NSMCE2: variants seen among roughly 807,000 people sequenced by gnomAD.
NSMCE2 encodes NSE2 SUMO ligase component of SMC5/6 complex, also known as E3 SUMO-protein ligase NSE2.
Under a neutral mutation model 23.8 loss-of-function variants are expected in NSMCE2, and 24 were observed. The observed-to-expected ratio is 1.01, with a 90% CI of 0.73 to 1.42. The LOEUF (loss-of-function observed/expected upper bound fraction) is 1.42. Among genes scored for constraint, NSMCE2 ranks in the 40% most tolerant of loss-of-function variants. The pLI is 0.00. For missense variants in NSMCE2, 284 were observed against 296.5 expected (o/e 0.96, Z 0.31); for synonymous variants, 92 against 94.1 (o/e 0.98, Z 0.13).
At chr8:125,284,635 A>G (rs1242572724) in intron 5 of NSMCE2, among the ~76,000 whole-genome samples, 1 of 152,240 alleles carries the variant, frequency 6.6e-6, no homozygotes, top group East Asian at 1.9e-4. Flanking sequence ...GAAGAAAATG[A>G]CATAGTGGAT....
rs546419676 is a variant in NSMCE2, at chr8:125,142,259, G to A, written c.158-8912G>A. ...ATATCAGCTTTCTGAAGTAGTTACT[G>A]TTATTGTACCCATTATATATAAAAG... On this transcript the variant is annotated intron_variant, in intron 3 of 7. Transcript: ENST00000287437. Among the ~76,000 whole-genome samples, 26 of 152,194 alleles carry A rather than the reference G, an allele frequency of 1.7e-4. No homozygotes were observed. The South Asian group carries it at 2.3e-3, about 13-fold the overall frequency.
chr8:125,186,966 A>T (rs1823135937), intron 5 of NSMCE2, among the ~76,000 whole-genome samples: 1 of 152,252 alleles, frequency 6.6e-6, no homozygotes, highest in South Asian at 2.1e-4. Flanking sequence ...TTGAACAAAG[A>T]ATTTTATCCT....
chr8:125,145,181 G>T (rs1820606218), intron 3 of NSMCE2, among the ~76,000 whole-genome samples: 1 of 152,162 alleles, frequency 6.6e-6, no homozygotes, highest in African/African-American at 2.4e-5. Flanking sequence ...TTAAAGGATG[G>T]ATTTAATTCA....
chr8:125,253,163 A>T (rs1196021557), intron 5 of NSMCE2, among the ~76,000 whole-genome samples: 1 of 152,210 alleles, frequency 6.6e-6, no homozygotes, highest in Non-Finnish European at 1.5e-5. Flanking sequence ...AAGCTAGATT[A>T]TATCTGAAAT....
chr8:125,357,354 C>T (rs1010457540), intron 6 of NSMCE2, 35 bp downstream of exon 6: 4 of 1,328,028 alleles, frequency 3.0e-6, no homozygotes, highest in East Asian at 2.3e-5. Context: ...GAAAGAAACA[C>T]GATTCACTTC....
In NSMCE2 at chr8:125,251,276, C is replaced by T. The variant is rs1339839791; in HGVS notation, c.418+69020C>T. ...AGAATAAATAAGCAAACAAAAATTC[C>T]ATTCTCAATAATGACATAATACAGA... On this transcript the variant is annotated intron_variant, in intron 5 of 7. Coordinates refer to ENST00000287437, the MANE Select transcript of NSMCE2 (RefSeq NM_173685.4). Among the ~76,000 whole-genome samples, 63 of 152,038 alleles carry T rather than the reference C, an allele frequency of 4.1e-4. 1 individual carries two copies. Among genetic ancestry groups the T allele is most frequent in the Admixed American group, 4.1e-3 (63 of 15,270 alleles).
At chr8:125,265,992 A>C (rs1355602795) in intron 5 of NSMCE2, among the ~76,000 whole-genome samples, 1 of 152,206 alleles carries the variant, frequency 6.6e-6, no homozygotes, top group African/African-American at 2.4e-5. Context: ...GGCACACTTC[A>C]AAATAGTTGC....
At chr8:125,137,583 T>A (rs553624140) in intron 3 of NSMCE2, among the ~76,000 whole-genome samples, 1 of 152,238 alleles carries the variant, frequency 6.6e-6, no homozygotes, top group Non-Finnish European at 1.5e-5. Context: ...CTCCTTTTTT[T>A]ACTGGTGTGG....
At chr8:125,181,921 C>T (rs1191160150) in intron 4 of NSMCE2, among the ~76,000 whole-genome samples, 182 bp from the exon 5 acceptor site, 1 of 152,152 alleles carries the variant, frequency 6.6e-6, no homozygotes, top group East Asian at 1.9e-4. Context: ...TGAGTCCCTT[C>T]AGTATTTGCC....
At chr8:125,314,622 C>T (rs1293695102) in intron 5 of NSMCE2, among the ~76,000 whole-genome samples, 1 of 152,212 alleles carries the variant, frequency 6.6e-6, no homozygotes, top group African/African-American at 2.4e-5. Context: ...CGATCACTCC[C>T]TGAAAACAAC....
chr8:125,103,786 C>A (rs1228955050), intron 3 of NSMCE2, among the ~76,000 whole-genome samples: 1 of 152,002 alleles, frequency 6.6e-6, no homozygotes, highest in Non-Finnish European at 1.5e-5. Context: ...ATTTCAGTTA[C>A]TGTATTTTTA....
Position 125,117,002 on chromosome 8 carries a change from C to G in NSMCE2, c.157+14515C>G, listed in dbSNP as rs553384645. Among the ~76,000 whole-genome samples the G allele has an allele frequency of 4.7e-4, 72 of 151,676 alleles. 1 individual carries two copies. Among genetic ancestry groups the G allele is most frequent in the Admixed American group, 9.2e-4 (14 of 15,246 alleles). On this transcript the variant is annotated intron_variant, in intron 3 of 7. Transcript: ENST00000287437. ...TCCTGGGTTCAAACAGTTTTCCTGCCTTAGCCTCCCAAGTAGCTGGGACTA... is the reference window on the plus strand; with the variant it reads ...TCCTGGGTTCAAACAGTTTTCCTGCGTTAGCCTCCCAAGTAGCTGGGACTA...
chr8:125,224,792 A>T (rs1378424214), intron 5 of NSMCE2, among the ~76,000 whole-genome samples: 1 of 152,224 alleles, frequency 6.6e-6, no homozygotes, highest in Non-Finnish European at 1.5e-5. Flanking sequence ...ATTGAGGCTC[A>T]TAAGAGGTTG....
chr8:125,245,573 A>T (rs1727833780), intron 5 of NSMCE2, among the ~76,000 whole-genome samples: 1 of 152,170 alleles, frequency 6.6e-6, no homozygotes, highest in African/African-American at 2.4e-5. Flanking sequence ...CATAAACATA[A>T]GTGAGTTACA....
At chr8:125,108,193 A>G (rs190126904) in intron 3 of NSMCE2, among the ~76,000 whole-genome samples, 5 of 152,314 alleles carry the variant, frequency 3.3e-5, no homozygotes, top group African/African-American at 1.2e-4. Flanking sequence ...TTGCTTATGA[A>G]TAGGAGGTAG....
intron 5 of NSMCE2, among the ~76,000 whole-genome samples, chr8:125,257,829 C>T (rs977909487): frequency 7.2e-5 from 11 of 152,130 alleles, no homozygotes; most frequent in South Asian, 6.2e-4. Context: ...CCACCGTGCC[C>T]GGCCAGACAA....
At chr8:125,307,118 C>T (rs1828795559) in intron 5 of NSMCE2, among the ~76,000 whole-genome samples, 1 of 152,186 alleles carries the variant, frequency 6.6e-6, no homozygotes, top group Non-Finnish European at 1.5e-5. Flanking sequence ...GCATTTGTTT[C>T]CTTTTCCTCT....
rs550098302 is a variant in NSMCE2, at chr8:125,140,445, T to C, written c.158-10726T>C. Among the ~76,000 whole-genome samples, 4 of 152,234 alleles carry C rather than the reference T, an allele frequency of 2.6e-5. No individual in the cohort carries two copies. In the South Asian group the frequency reaches 6.2e-4, roughly 24 times the overall value. ...TGGGAGGCCAAGGCGGGAGAATTAC[T>C]TGAGGTCAGGAGTTTGAGACCAGCC... On this transcript the variant is annotated intron_variant, in intron 3 of 7. Coordinates refer to ENST00000287437, the MANE Select transcript of NSMCE2 (RefSeq NM_173685.4).
intron 5 of NSMCE2, among the ~76,000 whole-genome samples, chr8:125,246,829 G>C (rs1825984284): frequency 6.6e-6 from 1 of 152,022 alleles, no homozygotes; most frequent in African/African-American, 2.4e-5. Context: ...TATAAATTAT[G>C]AAATAGTCAC....
Sources: allele counts gnomAD v4.1 joint callset (sites outside exome capture counted in the v4.1 genomes callset), GRCh38; gene constraint gnomAD v4.1.1; transcripts MANE v1.5; gene names NCBI Gene and HGNC (gene_info 2026-07-23, HGNC 2026-07-21).